The following GRM1 variants were observed in gnomAD, a reference collection of about 807,000 sequenced individuals.
GRM1 encodes metabotropic glutamate receptor 1.
A neutral mutation model predicts 90.9 loss-of-function variants in GRM1; 33 were observed. The observed-to-expected ratio is 0.36, with a 90% CI of 0.28 to 0.49. The LOEUF (loss-of-function observed/expected upper bound fraction) is 0.49, where lower values mean the gene tolerates loss of function less well. Among genes scored for constraint, GRM1 ranks in the 20% least tolerant of loss-of-function variants. GRM1 has a pLI of 0.99. For synonymous variants in GRM1, 700 were observed against 613.2 expected, an observed-to-expected ratio of 1.14 and a Z score of -2.09; for missense variants, 1,190 against 1,534.3, an observed-to-expected ratio of 0.78 and a Z score of 3.75.
intron 3 of GRM1, among the ~76,000 whole-genome samples, chr6:146,313,678 T>A (rs574730093): frequency 1.3e-5 from 2 of 152,314 alleles, no homozygotes; most frequent in South Asian, 4.1e-4. Context: ...TTTACTCTTT[T>A]CTTCCTTTTT....
chr6:146,413,933 T>C (rs886507337), intron 7 of GRM1, among the ~76,000 whole-genome samples: 1 of 152,348 alleles, frequency 6.6e-6, no homozygotes, highest in African/African-American at 2.4e-5. Flanking sequence ...ATTGCATGAA[T>C]ACACAATGTT....
At chr6:146,149,253 A>G (rs562933835) in intron 1 of GRM1, among the ~76,000 whole-genome samples, 3 of 152,332 alleles carry the variant, frequency 2.0e-5, no homozygotes, top group African/African-American at 7.2e-5. Flanking sequence ...AAAATAAAAA[A>G]GAGAAGGACT....
At position 146,159,616 on chromosome 6, in the gene GRM1, C is replaced by A; in HGVS notation, c.950+19C>A. On this transcript the variant is annotated intron_variant, in intron 2 of 7. Coordinates refer to ENST00000282753, the MANE Select transcript of GRM1 (RefSeq NM_001278064.2). The stretch of plus-strand genomic sequence containing the variant: ...TTGGAAGGTAAGTTTCTCTCTCTCT[C>A]TCTCTCTCTCTCTCTCTCTCTCTCT... 2 of 1,197,482 alleles carry A rather than the reference C, an allele frequency of 1.7e-6. No individual in the cohort carries two copies. The highest frequency in any genetic ancestry group is 1.1e-6 in the Non-Finnish European group (1 of 875,186). 74.2% of individuals were successfully genotyped at this position (1,197,482 alleles called of 1,614,324 possible).
chr6:146,419,026 T>G (rs533873589), intron 7 of GRM1, among the ~76,000 whole-genome samples: 1 of 152,122 alleles, frequency 6.6e-6, no homozygotes, highest in African/African-American at 2.4e-5. Flanking sequence ...GAATTAACAT[T>G]AATAACATAT....
chr6:146,322,534 G>A (rs1309383325), intron 3 of GRM1, among the ~76,000 whole-genome samples: 3 of 151,962 alleles, frequency 2.0e-5, no homozygotes, highest in African/African-American at 7.3e-5. Context: ...AGGGAGATGG[G>A]AGTTTTATCT....
At chr6:146,175,089 G>T (rs1778290788) in intron 2 of GRM1, among the ~76,000 whole-genome samples, 1 of 152,208 alleles carries the variant, frequency 6.6e-6, no homozygotes, top group Admixed American at 6.5e-5. Context: ...CTATTCATTA[G>T]AAGTAAGTCA....
intron 2 of GRM1, among the ~76,000 whole-genome samples, chr6:146,179,138 A>G (rs1242382172): frequency 6.6e-6 from 1 of 152,148 alleles, no homozygotes; most frequent in Non-Finnish European, 1.5e-5. Flanking sequence ...TTGGGAGAAA[A>G]GGGTATATTG....
chr6:146,430,515 T>C (rs1421782572), intron 7 of GRM1, among the ~76,000 whole-genome samples: 1 of 152,200 alleles, frequency 6.6e-6, no homozygotes, highest in East Asian at 1.9e-4. Flanking sequence ...CAGATTGCTT[T>C]TCCTAAGATT....
intron 2 of GRM1, among the ~76,000 whole-genome samples, chr6:146,270,849 T>TTTTCTTTCTTTCTTTCTTTCTTTCTTTC (rs1164507964): frequency 3.3e-5 from 3 of 91,756 alleles, no homozygotes; most frequent in African/African-American, 4.7e-5. Flanking sequence ...CTTTCTTTCT[T>TTTTCTTTCTTTCTTTCTTTCTTTCTTTC]TTTCTTTCTT....
intron 1 of GRM1, among the ~76,000 whole-genome samples, chr6:146,157,756 C>G (rs1223033420): frequency 1.3e-5 from 2 of 152,002 alleles, no homozygotes; most frequent in Non-Finnish European, 2.9e-5. Context: ...AAAGTAGACA[C>G]ACTTCAAATT....
intron 2 of GRM1, among the ~76,000 whole-genome samples, chr6:146,298,319 C>T (rs1446875732): frequency 6.6e-6 from 1 of 152,110 alleles, no homozygotes; most frequent in Non-Finnish European, 1.5e-5. Context: ...CTTCCAGTCA[C>T]CTGTCTGAAG....
At chr6:146,342,563 G>T (rs1454146759) in intron 3 of GRM1, among the ~76,000 whole-genome samples, 1 of 152,132 alleles carries the variant, frequency 6.6e-6, no homozygotes. Flanking sequence ...ATCCAGCTGT[G>T]TGATCTTGGA....
chr6:146,126,491 C>A (rs1776204439), intron 1 of GRM1, among the ~76,000 whole-genome samples: 1 of 152,076 alleles, frequency 6.6e-6, no homozygotes. Context: ...CAACTGGAAG[C>A]AAGCTCGTTT....
intron 4 of GRM1, among the ~76,000 whole-genome samples, chr6:146,356,036 CATTA>C (rs1785570120): frequency 1.3e-5 from 2 of 152,062 alleles, no homozygotes; most frequent in African/African-American, 4.8e-5. Context: ...GAAACTGCAG[CATTA>C]ATTATAGAGT....
intron 2 of GRM1, among the ~76,000 whole-genome samples, chr6:146,169,925 C>T (rs77821689): frequency 0.012 from 1,851 of 152,262 alleles, 76 homozygotes; most frequent in East Asian, 0.091. Flanking sequence ...ATATAGCTAT[C>T]TTAGTGAGCA....
At chr6:146,153,933 C>G (rs1777430361) in intron 1 of GRM1, among the ~76,000 whole-genome samples, 1 of 152,172 alleles carries the variant, frequency 6.6e-6, no homozygotes, top group Non-Finnish European at 1.5e-5. Context: ...TTGCTACTAA[C>G]AGAAATAAGA....
chr6:146,192,555 T>C (rs1778967210), intron 2 of GRM1, among the ~76,000 whole-genome samples: 1 of 152,308 alleles, frequency 6.6e-6, no homozygotes, highest in African/African-American at 2.4e-5. Flanking sequence ...ATAATGATTG[T>C]CGTTAGCTTA....
At chr6:146,348,460 T>A (rs941366291) in intron 3 of GRM1, among the ~76,000 whole-genome samples, 18 of 152,226 alleles carry the variant, frequency 1.2e-4, no homozygotes, top group African/African-American at 4.3e-4. Context: ...ACTGAGGTAG[T>A]AGCTGAAGAG....
chr6:146,359,346 G>T (rs1044759214), intron 5 of GRM1, among the ~76,000 whole-genome samples: 4 of 152,176 alleles, frequency 2.6e-5, no homozygotes, highest in African/African-American at 9.6e-5. Flanking sequence ...TCTGTGGACT[G>T]AAGTCATAAG....
Sources: allele counts gnomAD v4.1 joint callset (sites outside exome capture counted in the v4.1 genomes callset), GRCh38; gene constraint gnomAD v4.1.1; transcripts MANE v1.5; gene names NCBI Gene and HGNC (gene_info 2026-07-23, HGNC 2026-07-21).